The following PSD3 variants were observed in gnomAD, a reference collection of about 807,000 sequenced individuals.
PSD3 encodes pleckstrin and Sec7 domain containing 3.
Under a neutral mutation model 105.5 loss-of-function variants are expected in PSD3, and 49 were observed. That is an observed-to-expected ratio of 0.46 (90% CI 0.37 to 0.59). The LOEUF is 0.59. PSD3 is among the 20% of genes least tolerant of loss of function. PSD3 has a pLI of 0.00. For synonymous variants in PSD3, 557 were observed against 457.8 expected, an observed-to-expected ratio of 1.22 and a Z score of -2.77; for missense variants, 1,561 against 1,263.8, an observed-to-expected ratio of 1.24 and a Z score of -3.57.
intron 2 of PSD3, among the ~76,000 whole-genome samples, chr8:18,881,199 T>C (rs1818078721): frequency 6.6e-6 from 1 of 152,204 alleles, no homozygotes. Context: ...TTTTTTCTTT[T>C]GATTTAGTAT....
At chr8:18,960,964 T>C (rs1823874335) in intron 1 of PSD3, among the ~76,000 whole-genome samples, 2 of 152,048 alleles carry the variant, frequency 1.3e-5, no homozygotes, top group African/African-American at 4.8e-5. Context: ...TGAGCACCTG[T>C]ATTCCCAGCT....
intron 2 of PSD3, among the ~76,000 whole-genome samples, chr8:18,902,445 C>T (rs1819563549): frequency 6.6e-6 from 1 of 152,056 alleles, no homozygotes; most frequent in African/African-American, 2.4e-5. Flanking sequence ...ACTGAGTTAC[C>T]ATAAAATTAT....
At position 18,632,754 on chromosome 8, in the gene PSD3, T is replaced by G; in HGVS notation, c.2269A>C (p.Asn757His). 6.2e-7 allele frequency: 1 copy of G among 1,606,412 alleles called. No homozygotes were observed. The highest frequency in any genetic ancestry group is 8.5e-7 in the Non-Finnish European group (1 of 1,173,652). ...SPSESTEEKANGTHPKTISRI... is the reference protein window; with the variant it reads ...SPSESTEEKAHGTHPKTISRI... Reference sequence around the variant, plus strand: ...CTGATGGTCTTTGGATGTGTTCCGTTAGCTTTCTCCTCAGTACTTTCTGAG... The same window carrying G: ...CTGATGGTCTTTGGATGTGTTCCGTGAGCTTTCTCCTCAGTACTTTCTGAG... The change falls in exon 11 of 16, where the codon AAC becomes CAC. Residue 757 changes from asparagine to histidine, a missense_variant. Coordinates refer to ENST00000327040, the MANE Select transcript of PSD3 (RefSeq NM_015310.4).
At chr8:18,584,893 C>G (rs1243341082) in intron 12 of PSD3, among the ~76,000 whole-genome samples, 1 of 151,996 alleles carries the variant, frequency 6.6e-6, no homozygotes, top group Non-Finnish European at 1.5e-5. Flanking sequence ...ATCTAAATAT[C>G]CAGGGTTGAG....
At chr8:19,002,635 A>T (rs1826464377) in intron 1 of PSD3, among the ~76,000 whole-genome samples, 1 of 152,108 alleles carries the variant, frequency 6.6e-6, no homozygotes, top group Non-Finnish European at 1.5e-5. Context: ...ATCTTCCCAT[A>T]TACTTTAAGT....
Position 18,575,295 on chromosome 8 carries a change from G to T in PSD3, c.2482-10C>A, listed in dbSNP as rs1481026567. 3 of 1,530,608 alleles carry T rather than the reference G, an allele frequency of 2.0e-6. No individual in the cohort carries two copies. The highest frequency in any genetic ancestry group is 2.6e-5 in the South Asian group (2 of 77,292). The allele number at this position is 1,530,608 out of a possible 1,614,324, so 94.8% of individuals were successfully genotyped here. ...CTGGCTTGTATTCATCCTATAGATGGACACAAAGAAAATAAAGGCAAAAAT... is the reference window on the plus strand; with the variant it reads ...CTGGCTTGTATTCATCCTATAGATGTACACAAAGAAAATAAAGGCAAAAAT... On this transcript the variant is annotated splice_polypyrimidine_tract_variant and intron_variant, in intron 12 of 15. Coordinates refer to ENST00000327040, the MANE Select transcript of PSD3 (RefSeq NM_015310.4).
At chr8:18,595,281 C>CAA (rs35238330) in intron 12 of PSD3, among the ~76,000 whole-genome samples, 18 of 122,772 alleles carry the variant, frequency 1.5e-4, no homozygotes, top group African/African-American at 5.1e-4. Flanking sequence ...AATGTTATTA[C>CAA]AAAAAAAAAA....
chr8:18,763,644 G>A lies in PSD3; in HGVS notation c.2172+1805C>T, dbSNP rs138681199. Among the ~76,000 whole-genome samples the A allele has an allele frequency of 2.9e-3, 435 of 152,194 alleles. 2 individuals carry two copies. Among genetic ancestry groups the A allele is most frequent in the African/African-American group, 0.01 (428 of 41,516 alleles). On this transcript the variant is annotated intron_variant, in intron 9 of 15. Coordinates refer to ENST00000327040, the MANE Select transcript of PSD3 (RefSeq NM_015310.4). ...AGAAACCAGGAGAAAAGGAAGGCAG[G>A]AAGAAAGGGAGGAAAGGGAAGGAAA...
intron 1 of PSD3, among the ~76,000 whole-genome samples, chr8:19,011,452 A>T (rs1826945046): frequency 6.6e-6 from 1 of 152,204 alleles, no homozygotes; most frequent in Non-Finnish European, 1.5e-5. Flanking sequence ...AAATATGTAA[A>T]TATCAAGGTT....
intron 9 of PSD3, among the ~76,000 whole-genome samples, chr8:18,693,440 T>C (rs769328518): frequency 2.0e-5 from 3 of 152,220 alleles, no homozygotes; most frequent in Non-Finnish European, 4.4e-5. Flanking sequence ...TGAAATTCTC[T>C]ATATTTCACT....
At chr8:19,033,086 A>AAAAC (rs201973697) in intron 1 of PSD3, among the ~76,000 whole-genome samples, 18,136 of 151,666 alleles carry the variant, frequency 0.12, 1,113 homozygotes, top group Non-Finnish European at 0.15. Context: ...ACCCTATCTC[A>AAAAC]AAACAAACAA....
At chr8:18,921,854 T>A (rs1480842304) in intron 2 of PSD3, among the ~76,000 whole-genome samples, 1 of 152,196 alleles carries the variant, frequency 6.6e-6, no homozygotes, top group Non-Finnish European at 1.5e-5. Context: ...ACCAAGTACC[T>A]GTGCTCTGAA....
chr8:19,034,089 C>G (rs1304823758), intron 1 of PSD3, among the ~76,000 whole-genome samples: 3 of 152,114 alleles, frequency 2.0e-5, no homozygotes, highest in African/African-American at 7.2e-5. Flanking sequence ...AGAAAAAAAT[C>G]TCTATTTGTA....
At chr8:18,789,519 T>C (rs1292102065) in intron 8 of PSD3, among the ~76,000 whole-genome samples, 1 of 152,190 alleles carries the variant, frequency 6.6e-6, no homozygotes, top group Non-Finnish European at 1.5e-5. Flanking sequence ...TAAATATTAA[T>C]ATGTAAACAA....
chr8:18,807,465 T>C (rs1433038115), intron 4 of PSD3, among the ~76,000 whole-genome samples: 1 of 152,168 alleles, frequency 6.6e-6, no homozygotes, highest in South Asian at 2.1e-4. Context: ...TGTGTAAAAA[T>C]GTCAACTCAC....
At chr8:18,676,497 A>C (rs1382044817) in intron 9 of PSD3, among the ~76,000 whole-genome samples, 1 of 152,178 alleles carries the variant, frequency 6.6e-6, no homozygotes, top group African/African-American at 2.4e-5. Context: ...CTGCTCTCAT[A>C]ATGTTTAAAT....
Position 18,991,479 on chromosome 8 carries a change from A to T in PSD3, c.21+22084T>A, listed in dbSNP as rs369473096. On this transcript the variant is annotated intron_variant, in intron 1 of 15. Coordinates refer to ENST00000327040, the MANE Select transcript of PSD3 (RefSeq NM_015310.4). ...GTGGCTAGGGTCAACTGTGACCTAC[A>T]GGCAGGGCCTTCTCTGACTGCTTTT... Among the ~76,000 whole-genome samples the T allele has an allele frequency of 4.0e-4, 61 of 152,148 alleles. No individual in the cohort carries two copies. The East Asian group carries it at 7.8e-3, about 19-fold the overall frequency.
chr8:18,626,260 A>G (rs986544875), intron 11 of PSD3, among the ~76,000 whole-genome samples: 1 of 150,500 alleles, frequency 6.6e-6, no homozygotes, highest in Non-Finnish European at 1.5e-5. Flanking sequence ...TAAAAAAAAA[A>G]GACACCAAAT....
intron 2 of PSD3, among the ~76,000 whole-genome samples, chr8:18,880,804 T>C (rs1324672047): frequency 1.3e-5 from 2 of 152,206 alleles, no homozygotes; most frequent in Non-Finnish European, 2.9e-5. Context: ...CTGAATTTGG[T>C]CTTGTATGTG....
Sources: allele counts gnomAD v4.1 joint callset (sites outside exome capture counted in the v4.1 genomes callset), GRCh38; gene constraint gnomAD v4.1.1; transcripts MANE v1.5; gene names NCBI Gene and HGNC (gene_info 2026-07-23, HGNC 2026-07-21).